Variants in ADCK2 observed in about 807,000 individuals in gnomAD.
ADCK2 encodes the protein uncharacterized aarF domain-containing protein kinase 2.
ADCK2 carries 37 observed loss-of-function variants against 52.3 expected under a neutral mutation model. That is an observed-to-expected ratio of 0.71 (90% CI 0.54 to 0.93). ADCK2 has a LOEUF of 0.93. Among genes scored for constraint, ADCK2 ranks in the 40% least tolerant of loss-of-function variants. ADCK2 has a pLI of 0.00. For missense variants in ADCK2, 695 were observed against 798.7 expected, an observed-to-expected ratio of 0.87 and a Z score of 1.56; for synonymous variants, 321 against 349.2, an observed-to-expected ratio of 0.92 and a Z score of 0.90.
Position 140,674,862 on chromosome 7 carries a change from C to G in ADCK2, c.1080+105C>G, listed in dbSNP as rs1794370301. The G allele has an allele frequency of 2.2e-6, 3 of 1,355,860 alleles. No homozygotes were observed. The highest frequency in any genetic ancestry group is 2.0e-6 in the Non-Finnish European group (2 of 999,420). The allele number at this position is 1,355,860 out of a possible 1,614,324, so 84.0% of individuals were successfully genotyped here. ...AATAATTTTCTGGTATGTCATAACTCATGTGATGTGTTAGAGCTGGTAACA... is the reference window on the plus strand; with the variant it reads ...AATAATTTTCTGGTATGTCATAACTGATGTGATGTGTTAGAGCTGGTAACA... On this transcript the variant is annotated intron_variant, in intron 2 of 7. Transcript: ENST00000072869. This position sits in a 1 kb window ranked among gnomAD's most constrained non-coding sequence, Gnocchi z 4.6.
chr7:140,689,715 C>T lies in ADCK2; in HGVS notation c.1676C>T (p.Thr559Ile), dbSNP rs369695176. ...ACCCAGGCCAGGAAGAACACCATCA[C>T]CCTGGAGAAGGTGGGCAGGTCACTT... ...LVTQARKNTI[T>I]LEKLHVSSLL... Residue 559 changes from threonine (T) to isoleucine (I), a missense_variant, in exon 6 of 8, where the codon ACC becomes ATC. Transcript: ENST00000072869. 3.7e-6 allele frequency: 6 copies of T among 1,611,466 alleles called. No homozygotes were observed. The highest frequency in any genetic ancestry group is 5.1e-6 in the Non-Finnish European group (6 of 1,178,538).
At chr7:140,694,398 A>C (rs1388824481) in intron 7 of ADCK2, among the ~76,000 whole-genome samples, 1 of 152,244 alleles carries the variant, frequency 6.6e-6, no homozygotes, top group African/African-American at 2.4e-5. Context: ...TTGGTCATTC[A>C]TTCATACACA....
intron 4 of ADCK2, among the ~76,000 whole-genome samples, chr7:140,683,271 G>A (rs894667413): frequency 2.0e-5 from 3 of 152,094 alleles, no homozygotes; most frequent in Non-Finnish European, 2.9e-5. Context: ...GCGACAGAGC[G>A]AGACTCCGTC....
intron 7 of ADCK2, among the ~76,000 whole-genome samples, chr7:140,691,122 C>T (rs1023189956): frequency 3.3e-5 from 5 of 152,004 alleles, no homozygotes; most frequent in African/African-American, 1.2e-4. Context: ...GACGGGATTT[C>T]ACCATGTTGG....
In ADCK2 at chr7:140,694,738, C is replaced by T; in HGVS notation, c.1816C>T (p.Pro606Ser). The change falls in exon 8 of 8, where the codon CCC becomes TCC. Residue 606 changes from proline (P) to serine (S), a missense_variant. By Grantham distance (74) the Pro-to-Ser change is moderately conservative. Transcript: ENST00000072869. ...VLEGLGRSLD[P>S]KLDILEAARP... ...GGAGGGGCTTGGCCGCTCACTGGAC[C>T]CCAAACTGGACATCCTGGAGGCAGC... 5.0e-6 allele frequency: 8 copies of T among 1,614,062 alleles called. No individual in the cohort carries two copies. The highest frequency in any genetic ancestry group is 6.8e-6 in the Non-Finnish European group (8 of 1,179,980).
intron 2 of ADCK2, among the ~76,000 whole-genome samples, chr7:140,676,096 G>GAA: frequency 6.6e-6 from 1 of 152,236 alleles, no homozygotes. Context: ...ACATACAACA[G>GAA]AAATGTATTT....
At chr7:140,690,920 T>TTTG (rs112260453) in intron 7 of ADCK2, 107 bp downstream of exon 7, 151,152 of 1,017,072 alleles carry the variant, frequency 0.15, 15,677 homozygotes, top group African/African-American at 0.42. Context: ...GTTCTTGTTT[T>TTTG]TTGTTGTTGT....
intron 4 of ADCK2, among the ~76,000 whole-genome samples, chr7:140,686,525 C>G (rs1435100067): frequency 2.6e-5 from 4 of 152,202 alleles, no homozygotes; most frequent in Non-Finnish European, 5.9e-5. Flanking sequence ...AAGTGATCCG[C>G]CCACCTCAGC....
intron 2 of ADCK2, among the ~76,000 whole-genome samples, chr7:140,677,846 A>G (rs1186774807): frequency 2.0e-5 from 3 of 152,264 alleles, no homozygotes; most frequent in African/African-American, 7.2e-5. Context: ...AAGTGGGGGA[A>G]TAACATTCCA....
chr7:140,682,342 T>C (rs1193174497), intron 4 of ADCK2, among the ~76,000 whole-genome samples: 1 of 151,808 alleles, frequency 6.6e-6, no homozygotes, highest in African/African-American at 2.4e-5. Context: ...TGGCAGGGAG[T>C]TGTCTAGAGA....
At position 140,674,496 on chromosome 7, in the gene ADCK2, C is replaced by T. The variant is rs1031417701; in HGVS notation, c.934-115C>T. ...ACTGCTTGGGTGTCGGGACCACATC[C>T]TCTTTTCTTTGATAAGAAGCCACCT... On this transcript the variant is annotated intron_variant, in intron 1 of 7. Transcript: ENST00000072869. The surrounding 1 kb of genome is among the most constrained non-coding windows in gnomAD (Gnocchi z 4.6). The T allele has an allele frequency of 3.0e-6, 4 of 1,341,848 alleles. No individual in the cohort carries two copies. The highest frequency in any genetic ancestry group is 2.9e-5 in the African/African-American group (2 of 68,130). 83.1% of individuals were successfully genotyped at this position (1,341,848 alleles called of 1,614,324 possible). A position where few individuals can be genotyped will look rare whatever the true frequency, so the allele number is the denominator to read the frequency against.
At chr7:140,685,283 T>C (rs984790159) in intron 4 of ADCK2, among the ~76,000 whole-genome samples, 1 of 151,946 alleles carries the variant, frequency 6.6e-6, no homozygotes, top group Non-Finnish European at 1.5e-5. Flanking sequence ...ACCCCGTCTC[T>C]ACTAAAAACA....
chr7:140,687,349 C>G, intron 5 of ADCK2, 108 bp downstream of exon 5: 2 of 1,401,560 alleles, frequency 1.4e-6, no homozygotes, highest in Non-Finnish European at 1.9e-6. Flanking sequence ...GAAGCCTGAG[C>G]GGGGAGGATT....
chr7:140,683,506 CT>C (rs1794552847), intron 4 of ADCK2, among the ~76,000 whole-genome samples: 1 of 152,146 alleles, frequency 6.6e-6, no homozygotes, highest in African/African-American at 2.4e-5. Flanking sequence ...GATTCTTTTC[CT>C]CTGAGACCCG....
chr7:140,679,301 G>A lies in ADCK2; in HGVS notation c.1209+18G>A, dbSNP rs562434889. 1.9e-6 allele frequency: 3 copies of A among 1,612,164 alleles called. No homozygotes were observed. The highest frequency in any genetic ancestry group is 4.5e-5 in the East Asian group (2 of 44,758). ...CGTATGAAGTAAGAGTGATGGCTTT[G>A]CCTGGCCATACCTTTCACTTGCCAC... On this transcript the variant is annotated intron_variant, in intron 3 of 7. Transcript: ENST00000072869.
chr7:140,673,169 C>T lies in ADCK2; in HGVS notation c.-162C>T. 2.2e-6 allele frequency: 1 copy of T among 462,626 alleles called. No homozygotes were observed. The highest frequency in any genetic ancestry group is 3.4e-6 in the Non-Finnish European group (1 of 290,816). The allele number at this position is 462,626 out of a possible 1,614,324, so 28.7% of individuals were successfully genotyped here. ...GTCGGGCGGGGCGCGGGCCTCCGGC[C>T]TGAGGCCCGGCGAGGTGCTGGAGGG... On this transcript the variant is annotated 5_prime_UTR_variant, in exon 1 of 8. Coordinates refer to ENST00000072869, the MANE Select transcript of ADCK2 (RefSeq NM_052853.4). This position sits in a 1 kb window ranked among gnomAD's most constrained non-coding sequence, Gnocchi z 6.4.
chr7:140,675,984 G>A (rs1377888806), intron 2 of ADCK2, among the ~76,000 whole-genome samples: 4 of 152,206 alleles, frequency 2.6e-5, no homozygotes, highest in Non-Finnish European at 4.4e-5. Context: ...CCGAGTATTT[G>A]TTTGGAGGCT....
Position 140,690,818 on chromosome 7 carries a change from G to C in ADCK2, c.1740+5G>C. On this transcript the variant is annotated splice_donor_5th_base_variant and intron_variant, in intron 7 of 7. Coordinates refer to ENST00000072869, the MANE Select transcript of ADCK2 (RefSeq NM_052853.4). ...AAGTTGCTGATGACTCACAAGGTGAGGGCCATTCAGAGGGGAGGTCTCTGG... is the reference window on the plus strand; with the variant it reads ...AAGTTGCTGATGACTCACAAGGTGACGGCCATTCAGAGGGGAGGTCTCTGG... 1 of 1,613,814 alleles carries C rather than the reference G, an allele frequency of 6.2e-7. No individual in the cohort carries two copies. Among genetic ancestry groups the C allele is most frequent in the Non-Finnish European group, 8.5e-7 (1 of 1,179,836 alleles).
chr7:140,681,847 C>T (rs1794522529), intron 4 of ADCK2, among the ~76,000 whole-genome samples: 1 of 151,382 alleles, frequency 6.6e-6, no homozygotes, highest in Non-Finnish European at 1.5e-5. Context: ...TCTTGAACTC[C>T]TGGGATCAAG....
Sources: gnomAD v4.1 joint callset for allele counts (sites outside exome capture counted in the v4.1 genomes callset) on GRCh38, gnomAD v4.1.1 for gene constraint, Gnocchi (gnomAD v3.1) non-coding constraint, MANE v1.5 for transcripts, NCBI Gene and HGNC (gene_info 2026-07-23, HGNC 2026-07-21) for gene names.